MITF: variants seen among roughly 807,000 people sequenced by gnomAD.
The protein encoded by MITF is melanocyte inducing transcription factor.
MITF carries 17 observed loss-of-function variants against 60.5 expected under a neutral mutation model. The observed-to-expected ratio is 0.28, with a 90% CI of 0.19 to 0.42. The LOEUF (loss-of-function observed/expected upper bound fraction) is 0.42. MITF is among the 10% of genes least tolerant of loss of function. MITF has a pLI of 1.00. For synonymous variants in MITF, 260 were observed against 248.5 expected (o/e 1.05, Z -0.43); for missense variants, 622 against 683.5 (o/e 0.91, Z 1.00).
intron 1 of MITF, among the ~76,000 whole-genome samples, chr3:69,761,658 A>G (rs948301208): frequency 6.6e-6 from 1 of 152,220 alleles, no homozygotes; most frequent in Non-Finnish European, 1.5e-5. Flanking sequence ...ATATCTATTA[A>G]AGGTGCTCAC....
chr3:69,820,421 C>T (rs2063250450), intron 1 of MITF, among the ~76,000 whole-genome samples: 1 of 151,886 alleles, frequency 6.6e-6, no homozygotes, highest in Admixed American at 6.6e-5. Context: ...AAGTTAGCTT[C>T]TTAGTAACTT....
intron 2 of MITF, among the ~76,000 whole-genome samples, chr3:69,901,657 C>T (rs1701550908): frequency 6.6e-6 from 1 of 152,144 alleles, no homozygotes; most frequent in African/African-American, 2.4e-5. Context: ...CCCTCCGAGT[C>T]TCTCCACAGT....
At chr3:69,830,748 C>G (rs1445989599) in intron 1 of MITF, among the ~76,000 whole-genome samples, 2 of 152,108 alleles carry the variant, frequency 1.3e-5, no homozygotes, top group Non-Finnish European at 2.9e-5. Flanking sequence ...ATCTGTCTCT[C>G]CCTTTCAGTG....
In MITF at chr3:69,965,100, G is replaced by C. The variant is rs200766286; in HGVS notation, c.1433G>C (p.Gly478Ala). ...GCCTATAGTGTCCCCACAAAAATGG[G>C]ATCCAAACTGGAAGACATCCTGATG... ...NQAYSVPTKM[G>A]SKLEDILMDD... Residue 478 changes from glycine (G) to alanine (A), a missense_variant, in exon 10 of 10, where the codon GGA becomes GCA. Gly to Ala is a moderately conservative substitution (Grantham distance 60). Coordinates refer to ENST00000352241, the MANE Select transcript of MITF (RefSeq NM_001354604.2). The C allele has an allele frequency of 1.2e-6, 2 of 1,614,068 alleles. No individual in the cohort carries two copies. The highest frequency in any genetic ancestry group is 2.7e-5 in the African/African-American group (2 of 75,018).
At chr3:69,779,651 C>A (rs187536544) in intron 1 of MITF, among the ~76,000 whole-genome samples, 1 of 151,732 alleles carries the variant, frequency 6.6e-6, no homozygotes, top group East Asian at 1.9e-4. Flanking sequence ...TAAAAATTCA[C>A]GGAAACTTAA....
intron 2 of MITF, among the ~76,000 whole-genome samples, chr3:69,890,201 T>C (rs1174755649): frequency 1.3e-5 from 2 of 152,146 alleles, no homozygotes; most frequent in East Asian, 3.9e-4. Flanking sequence ...TGGTTGATAT[T>C]TCCTGTCAAA....
chr3:69,821,611 A>T (rs2063273070), intron 1 of MITF, among the ~76,000 whole-genome samples: 2 of 151,594 alleles, frequency 1.3e-5, no homozygotes, highest in South Asian at 4.2e-4. Flanking sequence ...CTAGATTTAA[A>T]AAAAACTCAT....
chr3:69,950,448 T>TTTTATATATA (rs1491218215), intron 6 of MITF, among the ~76,000 whole-genome samples: 1 of 130,792 alleles, frequency 7.6e-6, no homozygotes, highest in African/African-American at 2.9e-5. Flanking sequence ...AACTTCTGAG[T>TTTTATATATA]TATATATATA....
chr3:69,936,866 G>T, intron 2 of MITF: 1 of 975,918 alleles, frequency 1.0e-6, no homozygotes, highest in South Asian at 1.5e-5. Flanking sequence ...GTATAAATCT[G>T]CTCTTTTAAT....
intron 2 of MITF, among the ~76,000 whole-genome samples, chr3:69,903,542 G>A (rs922249652): frequency 8.5e-5 from 13 of 152,158 alleles, no homozygotes; most frequent in Non-Finnish European, 1.9e-4. Flanking sequence ...CTTAGGTCAT[G>A]AGGTAGCTAG....
At chr3:69,917,709 A>G (rs2065367631) in intron 2 of MITF, among the ~76,000 whole-genome samples, 1 of 152,044 alleles carries the variant, frequency 6.6e-6, no homozygotes, top group African/African-American at 2.4e-5. Context: ...TTAATAATCC[A>G]GATCTGAACT....
intron 2 of MITF, among the ~76,000 whole-genome samples, chr3:69,936,336 A>G (rs2065833847): frequency 6.6e-6 from 1 of 152,188 alleles, no homozygotes; most frequent in Non-Finnish European, 1.5e-5. Flanking sequence ...TATTAATACT[A>G]CTGGAACTAA....
Position 69,879,321 on chromosome 3 carries a change from A to G in MITF, c.292A>G (p.Ile98Val), listed in dbSNP as rs2107278101. ...QRVPVSQTPA[I>V]NVSVPTTLPS... is the part of the protein sequence containing the mutation. The stretch of plus-strand genomic sequence containing the variant: ...AGTGCCCGTGAGTCAGACACCAGCC[A>G]TAAACGTCAGTGTGCCCACCACCCT... Residue 98 changes from isoleucine (I) to valine (V), a missense_variant, in exon 2 of 10, where the codon ATA (isoleucine) becomes GTA (valine). Coordinates refer to ENST00000352241, the MANE Select transcript of MITF (RefSeq NM_001354604.2). The G allele has an allele frequency of 1.2e-6, 2 of 1,614,258 alleles. No homozygotes were observed. Among genetic ancestry groups the G allele is most frequent in the Non-Finnish European group, 8.5e-7 (1 of 1,180,056 alleles).
At chr3:69,791,639 G>A (rs1042771780) in intron 1 of MITF, among the ~76,000 whole-genome samples, 1 of 152,098 alleles carries the variant, frequency 6.6e-6, no homozygotes, top group Non-Finnish European at 1.5e-5. Flanking sequence ...GTTCAAACTG[G>A]CACAGTTTTT....
intron 1 of MITF, among the ~76,000 whole-genome samples, chr3:69,795,438 A>C (rs1256572853): frequency 1.3e-5 from 2 of 152,206 alleles, no homozygotes; most frequent in African/African-American, 2.4e-5. Context: ...TTTAAAAATA[A>C]ATCTAGGCTG....
chr3:69,751,480 A>G (rs1703932438), intron 1 of MITF, among the ~76,000 whole-genome samples: 1 of 151,676 alleles, frequency 6.6e-6, no homozygotes, highest in Non-Finnish European at 1.5e-5. Context: ...CCAAAAGAAA[A>G]TTTCTGGATT....
rs781298935 is a variant in MITF, at chr3:69,965,141, C to G, written c.1474C>G (p.Pro492Ala). 1 of 1,614,094 alleles carries G rather than the reference C, an allele frequency of 6.2e-7. No homozygotes were observed. Among genetic ancestry groups the G allele is most frequent in the South Asian group, 1.1e-5 (1 of 91,072 alleles). The change falls in exon 10 of 10, where the codon CCC becomes GCC. Residue 492 changes from proline to alanine, a missense_variant. By Grantham distance (27) the Pro-to-Ala change is conservative. Coordinates refer to ENST00000352241, the MANE Select transcript of MITF (RefSeq NM_001354604.2). The stretch of plus-strand genomic sequence containing the variant: ...CATCCTGATGGACGACACCCTTTCT[C>G]CCGTCGGTGTCACTGATCCACTCCT... ...EDILMDDTLS[P>A]VGVTDPLLSS...
intron 1 of MITF, among the ~76,000 whole-genome samples, chr3:69,788,318 A>G (rs2062685341): frequency 8.4e-6 from 1 of 119,102 alleles, no homozygotes; most frequent in African/African-American, 3.3e-5. Flanking sequence ...CTGGTGTGTG[A>G]TGTTCCCCTT....
chr3:69,759,331 T>G lies in MITF; in HGVS notation c.104+19630T>G, dbSNP rs142838066. Among the ~76,000 whole-genome samples the G allele has an allele frequency of 3.9e-4, 60 of 152,266 alleles. 1 individual carries two copies. In the East Asian group the frequency reaches 0.011, roughly 28 times the overall value. ...CACTAAACTTTGGTGCCATACTGAATAGAGGAGTCACCAACAAAAACACAC... is the reference window on the plus strand; with the variant it reads ...CACTAAACTTTGGTGCCATACTGAAGAGAGGAGTCACCAACAAAAACACAC... On this transcript the variant is annotated intron_variant, in intron 1 of 9. Coordinates refer to ENST00000352241, the MANE Select transcript of MITF (RefSeq NM_001354604.2).
Sources: gnomAD v4.1 joint callset for allele counts (sites outside exome capture counted in the v4.1 genomes callset) on GRCh38, gnomAD v4.1.1 for gene constraint, MANE v1.5 for transcripts, NCBI Gene and HGNC (gene_info 2026-07-23, HGNC 2026-07-21) for gene names.